The following TPM1 variants were observed in gnomAD, a reference collection of about 807,000 sequenced individuals.
TPM1 encodes the protein tropomyosin 1.
A neutral mutation model predicts 42.9 loss-of-function variants in TPM1; 24 were observed. That is an observed-to-expected ratio of 0.56 (90% CI 0.41 to 0.79). The LOEUF is 0.79. Among genes scored for constraint, TPM1 ranks in the 30% least tolerant of loss-of-function variants. TPM1 has a pLI of 0.00. For synonymous variants in TPM1, 136 were observed against 130.1 expected, an observed-to-expected ratio of 1.05 and a Z score of -0.31; for missense variants, 158 against 351.8, an observed-to-expected ratio of 0.45 and a Z score of 4.41.
chr15:63,070,768 T>C, downstream of TPM1: 2 of 1,179,330 alleles, frequency 1.7e-6, no homozygotes, highest in Middle Eastern at 3.8e-4. Flanking sequence ...GCAGCTGTAT[T>C]TGGTTTTTAC....
intron 6 of TPM1, 78 bp from the exon 7 acceptor site, chr15:63,062,128 TTGGCTGAGC>T (rs2035718300): frequency 1.7e-6 from 2 of 1,186,210 alleles, no homozygotes; most frequent in South Asian, 2.4e-5. Context: ...TTAACATCTG[TTGGCTGAGC>T]TGGCGAGTTC....
chr15:63,058,852 C>T (rs555420735), intron 3 of TPM1, among the ~76,000 whole-genome samples: 5 of 152,266 alleles, frequency 3.3e-5, no homozygotes, highest in South Asian at 2.1e-4. Flanking sequence ...CATTACACCA[C>T]GCTATAGGAC....
downstream of TPM1, among the ~76,000 whole-genome samples, chr15:63,069,013 C>T (rs1328616357): frequency 6.6e-6 from 1 of 151,902 alleles, no homozygotes; most frequent in Non-Finnish European, 1.5e-5. Flanking sequence ...ATTAGCCAGG[C>T]GTGGTGGCGG....
intron 9 of TPM1, 43 bp downstream of exon 9, chr15:63,064,185 G>A: frequency 1.3e-6 from 2 of 1,599,824 alleles, no homozygotes; most frequent in Non-Finnish European, 1.7e-6. Flanking sequence ...CTGCCCTCAT[G>A]CTAATGTAAT....
chr15:63,064,271 T>A, intron 9 of TPM1, 129 bp downstream of exon 9: 1 of 1,536,776 alleles, frequency 6.5e-7, no homozygotes, highest in African/African-American at 1.4e-5. Context: ...TGTCATAACC[T>A]AGAATAGTCA....
intron 2 of TPM1, 174 bp downstream of exon 2, chr15:63,044,326 C>A: frequency 1.1e-6 from 1 of 890,674 alleles, no homozygotes; most frequent in South Asian, 1.4e-5. Flanking sequence ...TGCACACATT[C>A]ATTTATATTT....
intron 2 of TPM1, chr15:63,046,629 G>T (rs150533062): frequency 2.6e-5 from 4 of 152,698 alleles, no homozygotes; most frequent in African/African-American, 9.6e-5. Flanking sequence ...TAAGTCAAAA[G>T]TGAGGCTGAA....
chr15:63,070,304 A>ATGTGTG (rs775945347), downstream of TPM1: 257 of 793,894 alleles, frequency 3.2e-4, 2 homozygotes, highest in East Asian at 6.6e-3. Flanking sequence ...ATATATATAT[A>ATGTGTG]TATGTGTGTG....
chr15:63,069,863 T>G (rs747881129), downstream of TPM1: 1 of 1,614,052 alleles, frequency 6.2e-7, no homozygotes, highest in Admixed American at 1.7e-5. Flanking sequence ...CTTGCTGACC[T>G]GTACAGATCA....
chr15:63,051,112 C>CT (rs1362146712), intron 2 of TPM1, among the ~76,000 whole-genome samples: 7 of 152,048 alleles, frequency 4.6e-5, no homozygotes, highest in East Asian at 1.9e-4. Flanking sequence ...GTTATGTTTG[C>CT]TTTTTTTCAT....
chr15:63,048,692 G>A (rs1251974893), intron 2 of TPM1: 4 of 1,538,638 alleles, frequency 2.6e-6, no homozygotes, highest in African/African-American at 2.8e-5. Context: ...ACCACGAGAG[G>A]AAGCTGAGGG....
At position 63,056,966 on chromosome 15, in the gene TPM1, C is replaced by G. The variant is rs991344363; in HGVS notation, c.241-19C>G. ...TCACTTTCTCCCCAACTCTGAAATG[C>G]TTTTCACTCTCTACCTAGGCTGAAG... is the stretch of plus-strand genomic sequence containing the variant. On this transcript the variant is annotated intron_variant, in intron 2 of 9. Transcript: ENST00000403994. 1.9e-6 allele frequency: 3 copies of G among 1,614,078 alleles called. No homozygotes were observed. Among genetic ancestry groups the G allele is most frequent in the South Asian group, 1.1e-5 (1 of 91,078 alleles).
At chr15:63,059,425 G>A in intron 3 of TPM1, 138 bp from the exon 4 acceptor site, 1 of 646,868 alleles carries the variant, frequency 1.5e-6, no homozygotes, top group South Asian at 1.5e-5. Flanking sequence ...GTTGTTTCCT[G>A]GTTTGGAAAA....
chr15:63,071,077 A>T, downstream of TPM1: 3 of 1,613,960 alleles, frequency 1.9e-6, no homozygotes, highest in Non-Finnish European at 2.5e-6. Context: ...TTAATTTTCT[A>T]ATCTCACCAC....
At chr15:63,059,041 ATT>A (rs2035224303) in intron 3 of TPM1, among the ~76,000 whole-genome samples, 1 of 152,234 alleles carries the variant, frequency 6.6e-6, no homozygotes, top group Non-Finnish European at 1.5e-5. Context: ...AAATATCAGC[ATT>A]CTTTGTGGAC....
At chr15:63,051,752 A>T (rs2033916953) in intron 2 of TPM1, among the ~76,000 whole-genome samples, 1 of 152,180 alleles carries the variant, frequency 6.6e-6, no homozygotes, top group African/African-American at 2.4e-5. Context: ...AGATTATAAT[A>T]TTCTCCCACC....
At chr15:63,049,090 C>T (rs1270472450) in intron 2 of TPM1, 3 of 255,252 alleles carry the variant, frequency 1.2e-5, no homozygotes, top group Non-Finnish European at 2.3e-5. Flanking sequence ...GGGAGGAGGT[C>T]CTTCCTCTTG....
chr15:63,058,019 T>C (rs11071721), intron 3 of TPM1, among the ~76,000 whole-genome samples: 121,488 of 152,086 alleles, frequency 0.8, 48,825 homozygotes, highest in East Asian at 1. Flanking sequence ...ACCCTACCAC[T>C]AGGTACCAGG....
At chr15:63,046,741 C>T (rs574116367) in intron 2 of TPM1, 5 of 152,678 alleles carry the variant, frequency 3.3e-5, no homozygotes, top group African/African-American at 1.2e-4. Context: ...CTTTGTAGGT[C>T]TTTACTTCTT....
Sources: allele counts gnomAD v4.1 joint callset (sites outside exome capture counted in the v4.1 genomes callset), GRCh38; gene constraint gnomAD v4.1.1; transcripts MANE v1.5; gene names NCBI Gene and HGNC (gene_info 2026-07-23, HGNC 2026-07-21).